Variants in ATP2A2 observed in about 807,000 individuals in gnomAD.
ATP2A2 encodes the protein ATPase sarcoplasmic/endoplasmic reticulum Ca2+ transporting 2.
A neutral mutation model predicts 109.3 loss-of-function variants in ATP2A2; 14 were observed. The observed-to-expected ratio is 0.13, with a 90% CI of 0.08 to 0.20. ATP2A2 has a LOEUF of 0.20. Among genes scored for constraint, ATP2A2 ranks in the 10% least tolerant of loss-of-function variants. The probability of loss-of-function intolerance (pLI) is 1.00; values close to 1 mark genes in which losing one functional copy is unlikely to be tolerated. For synonymous variants in ATP2A2, 506 were observed against 490.9 expected, an observed-to-expected ratio of 1.03 and a Z score of -0.41; for missense variants, 657 against 1,321.6, an observed-to-expected ratio of 0.50 and a Z score of 7.80.
chr12:110,285,716 A>G (rs939357547), intron 3 of ATP2A2, among the ~76,000 whole-genome samples: 5 of 152,192 alleles, frequency 3.3e-5, no homozygotes, highest in African/African-American at 1.2e-4. Context: ...TGTCTAAATC[A>G]TAAAGTCATA....
At chr12:110,326,016 TTAAAG>T in intron 6 of ATP2A2, 1 of 284,064 alleles carries the variant, frequency 3.5e-6, no homozygotes, top group Non-Finnish European at 6.9e-6. Flanking sequence ...AGTATATATG[TTAAAG>T]TATTTATTAA....
intron 4 of ATP2A2, 47 bp from the exon 5 acceptor site, chr12:110,296,552 G>T: frequency 6.2e-7 from 1 of 1,611,282 alleles, no homozygotes; most frequent in African/African-American, 1.3e-5. Flanking sequence ...AGAAATAATT[G>T]CAGTGTCAGG....
chr12:110,316,740 A>C (rs888156534), intron 5 of ATP2A2, among the ~76,000 whole-genome samples: 5 of 152,174 alleles, frequency 3.3e-5, no homozygotes, highest in African/African-American at 9.7e-5. Context: ...ATGCCAGCCT[A>C]ATCTGGGAGT....
intron 6 of ATP2A2, among the ~76,000 whole-genome samples, chr12:110,325,237 G>T (rs180839799): frequency 2.4e-4 from 36 of 151,916 alleles, no homozygotes; most frequent in African/African-American, 8.7e-4. Flanking sequence ...CAATTTTTTT[G>T]GTCAAATATT....
At chr12:110,323,567 T>C (rs932100979) in intron 6 of ATP2A2, among the ~76,000 whole-genome samples, 1 of 152,098 alleles carries the variant, frequency 6.6e-6, no homozygotes, top group African/African-American at 2.4e-5. Context: ...TCCAACACTT[T>C]GGGAGACTGA....
chr12:110,337,394 G>A (rs766370620), intron 11 of ATP2A2, among the ~76,000 whole-genome samples: 2 of 152,194 alleles, frequency 1.3e-5, no homozygotes, highest in African/African-American at 2.4e-5. Flanking sequence ...GTAGGTCCAC[G>A]CCTTCCTCAG....
chr12:110,345,948 T>C (rs1031198291), intron 18 of ATP2A2, 53 bp from the exon 19 acceptor site: 64 of 1,562,336 alleles, frequency 4.1e-5, no homozygotes, highest in Admixed American at 6.7e-5. Context: ...ACTGCCACTG[T>C]GACACGTGCC....
chr12:110,343,184 C>T, intron 15 of ATP2A2, 48 bp from the exon 16 acceptor site: 1 of 1,582,612 alleles, frequency 6.3e-7, no homozygotes. Context: ...AAATAGTGGC[C>T]AGAAGTCATT....
In ATP2A2 at chr12:110,281,295, T is replaced by TCGCCGCAGTTTCCTC. The variant is rs1872051971; in HGVS notation, c.-488_-474dup. The TCGCCGCAGTTTCCTC allele has an allele frequency of 6.6e-6, 1 of 151,456 alleles. No homozygotes were observed. The highest frequency in any genetic ancestry group is 2.4e-5 in the African/African-American group (1 of 41,328). 9.4% of individuals were successfully genotyped at this position (151,456 alleles called of 1,614,324 possible). A position where few individuals can be genotyped will look rare whatever the true frequency, so the allele number is the denominator to read the frequency against. The stretch of plus-strand genomic sequence containing the variant: ...GTCCCCGACGCCACCTCCTTTTCCT[T>TCGCCGCAGTTTCCTC]CGCCGCAGTTTCCTCCGCCGCTGTC... On this transcript the variant is annotated 5_prime_UTR_variant, in exon 1 of 20. Transcript: ENST00000539276.
rs544190126 is a variant in ATP2A2, at chr12:110,321,052, C to T, written c.464-1940C>T. On this transcript the variant is annotated intron_variant, in intron 5 of 19. Transcript: ENST00000539276. ...GATCAGTCTGGCTAACATAGTGAAA[C>T]GCTATCTCTACTAAAAATACAAAAA... is the stretch of plus-strand genomic sequence containing the variant. Among the ~76,000 whole-genome samples the T allele has an allele frequency of 7.9e-5, 12 of 152,204 alleles. No homozygotes were observed. In the East Asian group the frequency reaches 1.5e-3, roughly 20 times the overall value.
rs1402339390 is a variant in ATP2A2 at position 110,350,887 on chromosome 12, T to C, written c.*4417T>C. 4 of 154,694 alleles carry C rather than the reference T, an allele frequency of 2.6e-5. No homozygotes were observed. The highest frequency in any genetic ancestry group is 4.8e-5 in the African/African-American group (2 of 41,456). 9.6% of individuals were successfully genotyped at this position (154,694 alleles called of 1,614,324 possible). On this transcript the variant is annotated 3_prime_UTR_variant, in exon 20 of 20. Coordinates refer to ENST00000539276, the MANE Select transcript of ATP2A2 (RefSeq NM_170665.4). ...TTCGCACTGTATTAAATGTAACTTA[T>C]TTAATGAAATCAGAAGCAGTAGACA...
intron 5 of ATP2A2, among the ~76,000 whole-genome samples, chr12:110,322,106 T>A (rs374234858): frequency 2.1e-4 from 32 of 152,292 alleles, no homozygotes; most frequent in African/African-American, 7.7e-4. Flanking sequence ...TTCTCCTGCC[T>A]CAGCCTCCCA....
chr12:110,345,473 A>G, intron 18 of ATP2A2, 91 bp downstream of exon 18: 6 of 1,562,998 alleles, frequency 3.8e-6, no homozygotes, highest in Non-Finnish European at 5.3e-6. Context: ...TGAGGATCAC[A>G]GGACAGTTCT....
At chr12:110,335,147 T>G (rs1316643267) in intron 11 of ATP2A2, among the ~76,000 whole-genome samples, 1 of 151,942 alleles carries the variant, frequency 6.6e-6, no homozygotes, top group Non-Finnish European at 1.5e-5. Flanking sequence ...CTGAGTGAGG[T>G]TCCTCTCAAA....
At chr12:110,300,110 C>T (rs1224118002) in intron 5 of ATP2A2, among the ~76,000 whole-genome samples, 1 of 142,080 alleles carries the variant, frequency 7.0e-6, no homozygotes, top group African/African-American at 2.8e-5. Context: ...TTCCTTCCTC[C>T]CCCTTTCCCT....
At chr12:110,308,461 T>C (rs890487357) in intron 5 of ATP2A2, among the ~76,000 whole-genome samples, 33 of 152,292 alleles carry the variant, frequency 2.2e-4, no homozygotes, top group African/African-American at 7.9e-4. Flanking sequence ...TATATGCAAA[T>C]CAGAAATGAT....
rs746668766 is a variant in ATP2A2, at chr12:110,340,835, C to T, written c.1938C>T (p.Asp646=). 3.7e-6 allele frequency: 6 copies of T among 1,614,220 alleles called. No homozygotes were observed. Among genetic ancestry groups the T allele is most frequent in the Middle Eastern group, 1.6e-4 (1 of 6,062 alleles). Residue 646 remains aspartate (D), a synonymous_variant, in exon 14 of 20, where the codon GAC becomes GAT. Transcript: ENST00000539276. This position sits in a 1 kb window ranked among gnomAD's most constrained non-coding sequence, Gnocchi z 6.0. The stretch of plus-strand genomic sequence containing the variant: ...TCGGCATCTTCGGGCAGGATGAGGA[C>T]GTGACGTCAAAAGCTTTCACAGGCC... ...RRIGIFGQDE[D]VTSKAFTGRE...
chr12:110,341,626 C>CA (rs901312043), intron 14 of ATP2A2, among the ~76,000 whole-genome samples: 2 of 152,150 alleles, frequency 1.3e-5, no homozygotes, highest in African/African-American at 4.8e-5. Flanking sequence ...GTAACCCCAA[C>CA]ACTTGGGAGG....
At chr12:110,333,142 GACCAT>G (rs1179676373) in intron 9 of ATP2A2, 34 bp from the exon 10 acceptor site, 32 of 1,546,502 alleles carry the variant, frequency 2.1e-5, no homozygotes, top group Non-Finnish European at 2.9e-5. Flanking sequence ...CAATAGTGGC[GACCAT>G]ACCCTGCTCT....
Sources: allele counts gnomAD v4.1 joint callset (sites outside exome capture counted in the v4.1 genomes callset), GRCh38; gene constraint gnomAD v4.1.1; non-coding constraint Gnocchi (gnomAD v3.1); transcripts MANE v1.5; gene names NCBI Gene and HGNC (gene_info 2026-07-23, HGNC 2026-07-21).